The following BLOC1S5 variants were observed in gnomAD, a reference collection of about 807,000 sequenced individuals.
BLOC1S5 encodes biogenesis of lysosomal organelles complex 1 subunit 5, also known as biogenesis of lysosome-related organelles complex 1 subunit 5.
Under a neutral mutation model 24.3 loss-of-function variants are expected in BLOC1S5, and 27 were observed. The observed-to-expected ratio is 1.11, with a 90% CI of 0.82 to 1.53. The LOEUF (loss-of-function observed/expected upper bound fraction) is 1.53. BLOC1S5 is among the 40% of genes most tolerant of loss of function. The probability of loss-of-function intolerance (pLI) is 0.00; values close to 1 mark genes in which losing one functional copy is unlikely to be tolerated. For synonymous variants in BLOC1S5, 84 were observed against 74.5 expected, an observed-to-expected ratio of 1.13 and a Z score of -0.66; for missense variants, 239 against 229.4, an observed-to-expected ratio of 1.04 and a Z score of -0.27.
chr6:8,051,971 T>C (rs1379914713), intron 2 of BLOC1S5, among the ~76,000 whole-genome samples: 1 of 127,638 alleles, frequency 7.8e-6, no homozygotes, highest in Non-Finnish European at 1.5e-5. Context: ...ATCCATGCCT[T>C]TTTTTTTTTT....
intron 3 of BLOC1S5, among the ~76,000 whole-genome samples, chr6:8,036,080 A>G (rs1334972091): frequency 1.3e-5 from 2 of 152,006 alleles, no homozygotes; most frequent in African/African-American, 4.8e-5. Flanking sequence ...TAACAAGAGG[A>G]AACTTGGAAA....
At chr6:8,055,724 T>C (rs1764282914) in intron 2 of BLOC1S5, among the ~76,000 whole-genome samples, 1 of 152,218 alleles carries the variant, frequency 6.6e-6, no homozygotes, top group African/African-American at 2.4e-5. Context: ...AAGGGTGTTT[T>C]GGTTTGGGAG....
Position 8,022,827 on chromosome 6 carries a change from G to A in BLOC1S5, c.384+3540C>T, listed in dbSNP as rs980520870. ...TCTCGATCTCCTGACCTCGTGATCC[G>A]CCCGCCTCGGCCTCCCAAAGTGCTG... On this transcript the variant is annotated intron_variant, in intron 4 of 4. Coordinates refer to ENST00000397457, the MANE Select transcript of BLOC1S5 (RefSeq NM_201280.3). 6.4e-5 allele frequency among the ~76,000 whole-genome samples: 9 copies of A among 140,510 alleles called. No homozygotes were observed. In the East Asian group the frequency reaches 1.2e-3, roughly 18 times the overall value. The allele number at this position is 140,510 out of a possible 152,430, so 92.2% of individuals were successfully genotyped here. A position where few individuals can be genotyped will look rare whatever the true frequency, so the allele number is the denominator to read the frequency against.
intron 2 of BLOC1S5, among the ~76,000 whole-genome samples, chr6:8,048,621 A>G (rs957909506): frequency 3.3e-5 from 5 of 152,226 alleles, no homozygotes; most frequent in South Asian, 4.1e-4. Flanking sequence ...CAACAAAATG[A>G]TTACTAAAAT....
At chr6:8,059,394 T>C (rs1764439003) in intron 2 of BLOC1S5, among the ~76,000 whole-genome samples, 1 of 152,244 alleles carries the variant, frequency 6.6e-6, no homozygotes, top group Non-Finnish European at 1.5e-5. Flanking sequence ...AAAAAGGTAA[T>C]TGTTGCCATA....
chr6:8,041,651 C>CTTTTTTT (rs1423781176), intron 2 of BLOC1S5, among the ~76,000 whole-genome samples: 1 of 48,704 alleles, frequency 2.1e-5, no homozygotes, highest in African/African-American at 4.8e-5. Flanking sequence ...TTCTTTCTTT[C>CTTTTTTT]TTTCTTTTTT....
intron 3 of BLOC1S5, among the ~76,000 whole-genome samples, chr6:8,039,393 T>C (rs998653251): frequency 1.3e-5 from 2 of 152,198 alleles, no homozygotes; most frequent in African/African-American, 4.8e-5. Flanking sequence ...AGGGTGACTA[T>C]AGCTTACAAT....
At chr6:8,019,125 C>A (rs1398141451) in intron 4 of BLOC1S5, among the ~76,000 whole-genome samples, 1 of 152,206 alleles carries the variant, frequency 6.6e-6, no homozygotes, top group African/African-American at 2.4e-5. Context: ...GCCTTGTAGG[C>A]CGAGTGAAAA....
In BLOC1S5 at chr6:8,014,556, G is replaced by A. The variant is rs2113499182; in HGVS notation, c.*1093C>T. 4 of 152,330 alleles carry A rather than the reference G, an allele frequency of 2.6e-5. No homozygotes were observed. The South Asian group carries it at 8.3e-4, about 32-fold the overall frequency. 9.4% of individuals were successfully genotyped at this position (152,330 alleles called of 1,614,324 possible). On this transcript the variant is annotated 3_prime_UTR_variant, in exon 5 of 5. Coordinates refer to ENST00000397457, the MANE Select transcript of BLOC1S5 (RefSeq NM_201280.3). ...CCCAAAGTGTTGAGATTACAGGTGT[G>A]AGCCACTGCACCCAGCCTCAAATTA...
chr6:8,040,712 C>T (rs1375231372), intron 3 of BLOC1S5, among the ~76,000 whole-genome samples: 8 of 152,020 alleles, frequency 5.3e-5, no homozygotes, highest in Non-Finnish European at 8.8e-5. Flanking sequence ...AAAAATTAGC[C>T]AGGCATGGTG....
At chr6:8,035,687 G>A (rs1013544246) in intron 3 of BLOC1S5, among the ~76,000 whole-genome samples, 2 of 152,166 alleles carry the variant, frequency 1.3e-5, no homozygotes, top group Non-Finnish European at 2.9e-5. Context: ...CAAGAGGGTT[G>A]TAACAATTAT....
intron 2 of BLOC1S5, among the ~76,000 whole-genome samples, chr6:8,042,221 T>C (rs1299707962): frequency 6.6e-6 from 1 of 152,232 alleles, no homozygotes; most frequent in Non-Finnish European, 1.5e-5. Context: ...AACACTCCGA[T>C]CTGATCTTAA....
At position 8,032,210 on chromosome 6, in the gene BLOC1S5, A is replaced by G. The variant is rs577952765; in HGVS notation, c.326-5785T>C. 1.4e-4 allele frequency among the ~76,000 whole-genome samples: 22 copies of G among 152,334 alleles called. No homozygotes were observed. In the South Asian group the frequency reaches 4.6e-3, roughly 32 times the overall value. ...GGGTGGGAGAAAATCTTCGCAAACT[A>G]TGCATCCCACAAAAGACTAATATGC... On this transcript the variant is annotated intron_variant, in intron 3 of 4. Coordinates refer to ENST00000397457, the MANE Select transcript of BLOC1S5 (RefSeq NM_201280.3).
chr6:8,049,872 G>A (rs1029740531), intron 2 of BLOC1S5, among the ~76,000 whole-genome samples: 6 of 151,876 alleles, frequency 4.0e-5, no homozygotes, highest in African/African-American at 9.7e-5. Context: ...CACTATGCCC[G>A]ACCAATTTTT....
At chr6:8,063,577 C>T (rs1036714260) in intron 1 of BLOC1S5, among the ~76,000 whole-genome samples, 2 of 152,102 alleles carry the variant, frequency 1.3e-5, no homozygotes, top group Non-Finnish European at 2.9e-5. Context: ...TCTTCTTAAG[C>T]ATGTCAAGTA....
intron 3 of BLOC1S5, among the ~76,000 whole-genome samples, chr6:8,035,323 A>G (rs1309664553): frequency 6.7e-6 from 1 of 148,152 alleles, no homozygotes; most frequent in Non-Finnish European, 1.5e-5. Context: ...GCCTATTAAA[A>G]TTTTCAAAAA....
chr6:8,016,667 G>C (rs544807085), intron 4 of BLOC1S5, among the ~76,000 whole-genome samples: 30 of 152,076 alleles, frequency 2.0e-4, no homozygotes, highest in African/African-American at 7.0e-4. Context: ...AGGAGTTCAA[G>C]TCCAGTCTGG....
intron 2 of BLOC1S5, among the ~76,000 whole-genome samples, chr6:8,043,453 C>T (rs1763761313): frequency 6.6e-6 from 1 of 152,052 alleles, no homozygotes; most frequent in Non-Finnish European, 1.5e-5. Context: ...TAACCCCAGT[C>T]TAGTCATGAG....
chr6:8,048,886 G>A (rs1355326047), intron 2 of BLOC1S5, among the ~76,000 whole-genome samples: 6 of 150,778 alleles, frequency 4.0e-5, no homozygotes, highest in Non-Finnish European at 8.9e-5. Context: ...GGTGGTGTAC[G>A]CCTGTAATAC....
Sources: gnomAD v4.1 joint callset for allele counts (sites outside exome capture counted in the v4.1 genomes callset) on GRCh38, gnomAD v4.1.1 for gene constraint, MANE v1.5 for transcripts, NCBI Gene and HGNC (gene_info 2026-07-23, HGNC 2026-07-21) for gene names.